CEP152: variants seen among roughly 807,000 people sequenced by gnomAD.
The protein encoded by CEP152 is centrosomal protein 152.
Under a neutral mutation model 188.9 loss-of-function variants are expected in CEP152, and 132 were observed. The ratio of observed to expected loss-of-function variants is 0.70; its 90% CI spans 0.61 to 0.81. The LOEUF (loss-of-function observed/expected upper bound fraction) is 0.81, where lower values mean the gene tolerates loss of function less well. CEP152 is among the 30% of genes least tolerant of loss of function. CEP152 has a pLI of 0.00. For synonymous variants in CEP152, 649 were observed against 666.6 expected (o/e 0.97, Z 0.41); for missense variants, 1,914 against 1,969.8 (o/e 0.97, Z 0.54).
intron 13 of CEP152, among the ~76,000 whole-genome samples, chr15:48,772,178 A>AG (rs1204488124): frequency 6.6e-6 from 1 of 152,198 alleles, no homozygotes; most frequent in African/African-American, 2.4e-5. Flanking sequence ...TGAGAGATTG[A>AG]GGTGGGAGGA....
chr15:48,759,493 C>T (rs1044298647), intron 19 of CEP152, among the ~76,000 whole-genome samples: 1 of 152,162 alleles, frequency 6.6e-6, no homozygotes, highest in Non-Finnish European at 1.5e-5. Flanking sequence ...ATTTTTGTGA[C>T]TCAATACAGT....
chr15:48,782,199 G>T lies in CEP152; in HGVS notation c.1353C>A (p.Phe451Leu). Residue 451 changes from phenylalanine (F) to leucine (L), a missense_variant, in exon 11 of 27, where the codon TTC becomes TTA. Phe to Leu is a conservative substitution (Grantham distance 22, BLOSUM62 0). Transcript: ENST00000380950. ...GTGCCTTCTGTGCTTGCTGCAGCTG[G>T]AACTGTAGCTGAGCCACCTCTTGTA... is the stretch of plus-strand genomic sequence containing the variant. ...GSVQEVAQLQFQLQQAQKAHA... is the reference protein window; with the variant it reads ...GSVQEVAQLQLQLQQAQKAHA... The T allele has an allele frequency of 6.2e-7, 1 of 1,613,874 alleles. No individual in the cohort carries two copies. Among genetic ancestry groups the T allele is most frequent in the South Asian group, 1.1e-5 (1 of 91,048 alleles).
chr15:48,769,116 T>A, intron 13 of CEP152, 35 bp from the exon 14 acceptor site: 1 of 1,546,194 alleles, frequency 6.5e-7, no homozygotes, highest in Admixed American at 1.8e-5. Context: ...TTACAAGTTT[T>A]AAAAAATTCT....
intron 1 of CEP152, among the ~76,000 whole-genome samples, chr15:48,809,207 A>G (rs940370892): frequency 6.6e-6 from 1 of 152,206 alleles, no homozygotes; most frequent in Non-Finnish European, 1.5e-5. Flanking sequence ...TGGTGGGTAC[A>G]TAACAAATAT....
At chr15:48,806,667 T>C (rs543661854) in intron 1 of CEP152, among the ~76,000 whole-genome samples, 24 of 152,340 alleles carry the variant, frequency 1.6e-4, no homozygotes, top group African/African-American at 5.3e-4. Flanking sequence ...AAATGCATTT[T>C]ACCATAGAGA....
chr15:48,741,577 A>G, intron 26 of CEP152, 24 bp downstream of exon 26: 1 of 1,614,028 alleles, frequency 6.2e-7, no homozygotes, highest in South Asian at 1.1e-5. Context: ...TAGAAAAACC[A>G]TTTGGCGACT....
At position 48,803,664 on chromosome 15, in the gene CEP152, A is replaced by G. The variant is rs527393983; in HGVS notation, c.87+1899T>C. On this transcript the variant is annotated intron_variant, in intron 2 of 26. Coordinates refer to ENST00000380950, the MANE Select transcript of CEP152 (RefSeq NM_001194998.2). ...TTCCCCTGAAATTCCCTATCCCAGC[A>G]TACAATCTATCAAAGAGGTGATCCC... Among the ~76,000 whole-genome samples the G allele has an allele frequency of 3.9e-5, 6 of 152,316 alleles. No homozygotes were observed. In the South Asian group the frequency reaches 1.2e-3, roughly 32 times the overall value.
chr15:48,785,813 T>C (rs1024895051), intron 9 of CEP152, among the ~76,000 whole-genome samples: 14 of 151,294 alleles, frequency 9.3e-5, no homozygotes, highest in Admixed American at 4.6e-4. Context: ...TCAAGTCTGA[T>C]ATGGGCAGAC....
intron 22 of CEP152, among the ~76,000 whole-genome samples, chr15:48,745,294 T>C (rs1691702493): frequency 2.0e-5 from 3 of 152,264 alleles, no homozygotes; most frequent in Middle Eastern, 6.8e-3. Context: ...AGAAACCTAC[T>C]AGGTTTTCTA....
At position 48,762,617 on chromosome 15, in the gene CEP152, T is replaced by C; in HGVS notation, c.2336A>G (p.Gln779Arg). ...CTTCTTTTTCATTGCCTTTATAGTTTGATCCAGCTTAGACTGCCACTCCTT... is the reference window on the plus strand; with the variant it reads ...CTTCTTTTTCATTGCCTTTATAGTTCGATCCAGCTTAGACTGCCACTCCTT... ...LEKEWQSKLD[Q>R]TIKAMKKKTL... The change falls in exon 18 of 27, where the codon CAA (glutamine) becomes CGA (arginine). Residue 779 changes from glutamine (Q) to arginine (R), a missense_variant. Gln to Arg is a conservative substitution (Grantham distance 43). Transcript: ENST00000380950. 6.2e-7 allele frequency: 1 copy of C among 1,614,036 alleles called. No homozygotes were observed. Among genetic ancestry groups the C allele is most frequent in the Non-Finnish European group, 8.5e-7 (1 of 1,180,000 alleles).
At chr15:48,792,943 T>C (rs1595688657) in intron 7 of CEP152, among the ~76,000 whole-genome samples, 1 of 151,904 alleles carries the variant, frequency 6.6e-6, no homozygotes, top group East Asian at 2.0e-4. Flanking sequence ...TGCTTCAGCC[T>C]CCCAAGTAGA....
intron 18 of CEP152, among the ~76,000 whole-genome samples, chr15:48,761,044 T>G (rs1214660240): frequency 6.6e-6 from 1 of 152,220 alleles, no homozygotes; most frequent in Non-Finnish European, 1.5e-5. Flanking sequence ...ATAAAGCTCC[T>G]GTAGAAATTT....
intron 8 of CEP152, chr15:48,789,239 T>C (rs1896861365): frequency 7.3e-6 from 4 of 546,356 alleles, no homozygotes; most frequent in African/African-American, 1.9e-5. Flanking sequence ...GGTAGATACC[T>C]GAGGGGAGTG....
At chr15:48,798,617 C>A (rs1362694062) in intron 2 of CEP152, among the ~76,000 whole-genome samples, 1 of 152,136 alleles carries the variant, frequency 6.6e-6, no homozygotes, top group East Asian at 1.9e-4. Flanking sequence ...ATACATAATA[C>A]CCTGCTCTCA....
chr15:48,764,088 A>G (rs1473980107), intron 17 of CEP152, among the ~76,000 whole-genome samples: 1 of 152,198 alleles, frequency 6.6e-6, no homozygotes, highest in African/African-American at 2.4e-5. Flanking sequence ...AAAAGGTAAA[A>G]TGGATGATTA....
chr15:48,778,122 C>A (rs1896033623), intron 12 of CEP152, among the ~76,000 whole-genome samples: 1 of 152,216 alleles, frequency 6.6e-6, no homozygotes, highest in South Asian at 2.1e-4. Context: ...AAGCTGTCTG[C>A]AAGCTGCATG....
At chr15:48,789,365 T>C in intron 8 of CEP152, 2 of 281,902 alleles carry the variant, frequency 7.1e-6, no homozygotes, top group Non-Finnish European at 1.4e-5. Context: ...GGTAACCCAA[T>C]TGTTAGGTCA....
Position 48,756,333 on chromosome 15 carries a change from T to G in CEP152, c.2915A>C (p.Gln972Pro). 1 of 1,572,810 alleles carries G rather than the reference T, an allele frequency of 6.4e-7. No homozygotes were observed. Among genetic ancestry groups the G allele is most frequent in the East Asian group, 2.2e-5 (1 of 44,524 alleles). ...CCGGTAATCTTGCTCATTTTGTTCT[T>G]GGATTCTGTGGATTTCTTCTTGCTT... is the stretch of plus-strand genomic sequence containing the variant. Reference protein sequence around the residue: ...KEKQEEIHRIQEQNEQDYRQF... With the variant: ...KEKQEEIHRIPEQNEQDYRQF... The change falls in exon 20 of 27, where the codon CAA becomes CCA. Residue 972 changes from glutamine to proline, a missense_variant. Transcript: ENST00000380950.
chr15:48,775,088 A>G (rs1450819384), intron 12 of CEP152, among the ~76,000 whole-genome samples: 3 of 152,028 alleles, frequency 2.0e-5, no homozygotes, highest in Non-Finnish European at 2.9e-5. Flanking sequence ...GTCCAGTAGC[A>G]ATTATGCAAA....
Sources: gnomAD v4.1 joint callset for allele counts (sites outside exome capture counted in the v4.1 genomes callset) on GRCh38, gnomAD v4.1.1 for gene constraint, MANE v1.5 for transcripts, NCBI Gene and HGNC (gene_info 2026-07-23, HGNC 2026-07-21) for gene names.